Variants in LHX8 observed in about 807,000 individuals in gnomAD.
LHX8 encodes LIM/homeobox protein Lhx8.
Under a neutral mutation model 40.3 loss-of-function variants are expected in LHX8, and 12 were observed. The ratio of observed to expected loss-of-function variants is 0.30; its 90% CI spans 0.19 to 0.48. The LOEUF (loss-of-function observed/expected upper bound fraction) is 0.48, where lower values mean the gene tolerates loss of function less well. Ranked by LOEUF, LHX8 falls within the 20% of genes least tolerant of loss-of-function variation. LHX8 has a pLI of 0.99. For missense variants in LHX8, 344 were observed against 433.7 expected (o/e 0.79, Z 1.84); for synonymous variants, 179 against 162.0 (o/e 1.10, Z -0.80).
intron 7 of LHX8, among the ~76,000 whole-genome samples, chr1:75,155,135 A>T (rs1648720103): frequency 6.6e-6 from 1 of 151,804 alleles, no homozygotes; most frequent in Admixed American, 6.6e-5. Context: ...TTCTCATGCT[A>T]AGTTTTTATC....
the LHX8 span, among the ~76,000 whole-genome samples, chr1:75,180,099 C>T: frequency 6.6e-6 from 1 of 152,136 alleles, no homozygotes; most frequent in Non-Finnish European, 1.5e-5. Context: ...GTAACCCGAC[C>T]TTTCTCTCTG....
At chr1:75,147,976 T>C (rs573367661) in intron 6 of LHX8, among the ~76,000 whole-genome samples, 2 of 152,346 alleles carry the variant, frequency 1.3e-5, no homozygotes, top group African/African-American at 4.8e-5. Flanking sequence ...TCCAAAGGCT[T>C]ACATCAGAAT....
At chr1:75,193,960 A>G in the LHX8 span, among the ~76,000 whole-genome samples, 1 of 152,154 alleles carries the variant, frequency 6.6e-6, no homozygotes, top group Non-Finnish European at 1.5e-5. Context: ...TCTGCTTTAA[A>G]TTTTATATTT....
intron 8 of LHX8, 109 bp downstream of exon 8, chr1:75,157,185 G>A (rs553688191): frequency 3.2e-6 from 4 of 1,260,186 alleles, no homozygotes; most frequent in Non-Finnish European, 4.6e-6. Context: ...CTCAGTAGTA[G>A]CTGAAAAATA....
chr1:75,129,615 A>C (rs940635592), upstream of LHX8, among the ~76,000 whole-genome samples: 2 of 152,186 alleles, frequency 1.3e-5, no homozygotes, highest in African/African-American at 4.8e-5. Flanking sequence ...AAGCCTGTGA[A>C]TAGGAGGCTC....
chr1:75,137,291 A>G (rs778315044), intron 3 of LHX8, 30 bp downstream of exon 3: 1 of 1,606,998 alleles, frequency 6.2e-7, no homozygotes, highest in Non-Finnish European at 8.5e-7. Flanking sequence ...GCGAGGCCCA[A>G]GGGGAGCGGG....
chr1:75,136,492 C>A, intron 1 of LHX8, 111 bp from the exon 2 acceptor site: 1 of 827,332 alleles, frequency 1.2e-6, no homozygotes, highest in Non-Finnish European at 2.0e-6. Flanking sequence ...CGCGCTGCCC[C>A]GCACTCTGAG....
At chr1:75,137,058 A>T (rs1239213320) in intron 2 of LHX8, 42 bp from the exon 3 acceptor site, 1 of 1,557,292 alleles carries the variant, frequency 6.4e-7, no homozygotes, top group South Asian at 1.2e-5. Context: ...TGCGAAGGGG[A>T]GGAGGGGTCT....
upstream of LHX8, chr1:75,130,353 A>G (rs1012490964): frequency 1.9e-5 from 7 of 366,242 alleles, no homozygotes; most frequent in Admixed American, 7.4e-5. Flanking sequence ...GCTTTCCGCT[A>G]TTGGTCCTCC....
chr1:75,167,916 G>A, the LHX8 span, among the ~76,000 whole-genome samples: 1 of 152,174 alleles, frequency 6.6e-6, no homozygotes, highest in East Asian at 1.9e-4. Context: ...TCATTATCGA[G>A]TAATTCAGGC....
At chr1:75,179,892 C>T in the LHX8 span, among the ~76,000 whole-genome samples, 2 of 152,128 alleles carry the variant, frequency 1.3e-5, no homozygotes, top group Non-Finnish European at 2.9e-5. Context: ...CTGGTGGTGA[C>T]AAAATCTCTC....
At chr1:75,144,672 C>A (rs561461936) in intron 6 of LHX8, among the ~76,000 whole-genome samples, 29 of 152,146 alleles carry the variant, frequency 1.9e-4, no homozygotes, top group Admixed American at 3.3e-4. Flanking sequence ...ATGATTCCTT[C>A]TGGCATTTTT....
Position 75,137,158 on chromosome 1 carries a change from C to A in LHX8, c.134C>A (p.Pro45Gln). 1 of 1,612,976 alleles carries A rather than the reference C, an allele frequency of 6.2e-7. No individual in the cohort carries two copies. Among genetic ancestry groups the A allele is most frequent in the Non-Finnish European group, 8.5e-7 (1 of 1,179,640 alleles). ...DSCSSSAPLSPSSSPRSMASG... is the reference protein window; with the variant it reads ...DSCSSSAPLSQSSSPRSMASG... Reference sequence around the variant, plus strand: ...TGCTCCTCCTCGGCCCCGCTGTCCCCGTCGTCCTCGCCCCGGTCCATGGCC... The same window carrying A: ...TGCTCCTCCTCGGCCCCGCTGTCCCAGTCGTCCTCGCCCCGGTCCATGGCC... The change falls in exon 3 of 9, where the codon CCG becomes CAG. Residue 45 changes from proline (P) to glutamine (Q), a missense_variant. Physicochemically the swap from Pro to Gln is moderately conservative, Grantham distance 76 (BLOSUM62 -1). Around this residue, in one of 3 missense-constraint regions of LHX8, gnomAD observed 108 missense variants for 90.1 expected, o/e 1.20. Coordinates refer to ENST00000356261, the MANE Select transcript of LHX8 (RefSeq NM_001256114.2).
chr1:75,175,745 C>A, the LHX8 span, among the ~76,000 whole-genome samples: 1 of 151,874 alleles, frequency 6.6e-6, no homozygotes, highest in Non-Finnish European at 1.5e-5. Context: ...CATATGTATA[C>A]ATGTTCTGTG....
intron 2 of LHX8, 123 bp downstream of exon 2, chr1:75,136,812 C>T: frequency 1.3e-5 from 5 of 396,652 alleles, no homozygotes; most frequent in Admixed American, 2.8e-5. Flanking sequence ...AGACAGAGGA[C>T]GGGGCGGAGA....
the LHX8 span, among the ~76,000 whole-genome samples, chr1:75,166,893 G>A: frequency 6.6e-6 from 1 of 152,202 alleles, no homozygotes; most frequent in Non-Finnish European, 1.5e-5. Flanking sequence ...TGAGGGCGAT[G>A]AGACAGTCTA....
At chr1:75,190,278 T>C in the LHX8 span, among the ~76,000 whole-genome samples, 1 of 152,210 alleles carries the variant, frequency 6.6e-6, no homozygotes, top group Non-Finnish European at 1.5e-5. Context: ...GTCAAGATTA[T>C]TTAAATAGAC....
rs531106050 is a variant in LHX8 at position 75,137,183 on chromosome 1, C to T, written c.159C>T (p.Ala53=). 6.8e-6 allele frequency: 11 copies of T among 1,613,568 alleles called. No homozygotes were observed. In the South Asian group the frequency reaches 1.1e-4, roughly 16 times the overall value. ...CGTCGTCCTCGCCCCGGTCCATGGC[C>T]TCGGGCTCCGGCTGCCCTCCTGGCA... ...LSPSSSPRSM[A]SGSGCPPGKC... Residue 53 remains alanine (A), a synonymous_variant, in exon 3 of 9, where the codon GCC becomes GCT. Transcript: ENST00000356261.
intron 3 of LHX8, among the ~76,000 whole-genome samples, chr1:75,138,636 C>T (rs1648219493): frequency 6.6e-6 from 1 of 152,100 alleles, no homozygotes; most frequent in Non-Finnish European, 1.5e-5. Context: ...TGAGCCCTCT[C>T]AATAATTACC....
Sources: allele counts gnomAD v4.1 joint callset (sites outside exome capture counted in the v4.1 genomes callset), GRCh38; gene constraint gnomAD v4.1.1; regional missense constraint gnomAD v4.1.1; transcripts MANE v1.5; gene names NCBI Gene and HGNC (gene_info 2026-07-23, HGNC 2026-07-21).